The following ABL2 variants were observed in gnomAD, a reference collection of about 807,000 sequenced individuals.
ABL2 encodes the protein tyrosine-protein kinase ABL2.
In ABL2, 49 loss-of-function variants were observed where a neutral mutation model predicts 107.7. That is an observed-to-expected ratio of 0.45 (90% CI 0.36 to 0.58). The LOEUF (loss-of-function observed/expected upper bound fraction) is 0.58. Among genes scored for constraint, ABL2 ranks in the 20% least tolerant of loss-of-function variants. ABL2 has a pLI of 0.00. For synonymous variants in ABL2, 549 were observed against 548.6 expected, an observed-to-expected ratio of 1.00 and a Z score of -0.01; for missense variants, 1,245 against 1,457.0, an observed-to-expected ratio of 0.85 and a Z score of 2.37.
chr1:179,207,666 G>A (rs1662052695), intron 1 of ABL2, among the ~76,000 whole-genome samples: 1 of 152,152 alleles, frequency 6.6e-6, no homozygotes. Flanking sequence ...TTTTACTGGT[G>A]AGAAAAGGGA....
At chr1:179,199,731 CTTT>C (rs55794608) in intron 1 of ABL2, among the ~76,000 whole-genome samples, 19 of 136,180 alleles carry the variant, frequency 1.4e-4, no homozygotes, top group Non-Finnish European at 1.7e-4. Context: ...ACACTTTTTC[CTTT>C]TTTTTTTTTT....
intron 1 of ABL2, among the ~76,000 whole-genome samples, chr1:179,198,964 C>T (rs1198346657): frequency 6.6e-6 from 1 of 151,666 alleles, no homozygotes; most frequent in Non-Finnish European, 1.5e-5. Context: ...GCCTCAGCCC[C>T]CCTAGTAGCT....
chr1:179,166,737 G>A lies in ABL2; in HGVS notation c.158-33363C>T, dbSNP rs538671500. 1.8e-4 allele frequency among the ~76,000 whole-genome samples: 26 copies of A among 144,298 alleles called. No homozygotes were observed. The South Asian group carries it at 3.7e-3, about 20-fold the overall frequency. 94.7% of individuals were successfully genotyped at this position (144,298 alleles called of 152,430 possible). A position where few individuals can be genotyped will look rare whatever the true frequency, so the allele number is the denominator to read the frequency against. On this transcript the variant is annotated intron_variant, in intron 1 of 11. Transcript: ENST00000502732. ...GGTTGCAGGGAGCCGAGATCACATC[G>A]CTGCACTCCAGCCTTGGTGACAGAA...
chr1:179,156,924 A>G (rs956109098), intron 1 of ABL2, among the ~76,000 whole-genome samples: 1 of 126,354 alleles, frequency 7.9e-6, no homozygotes, highest in African/African-American at 2.7e-5. Flanking sequence ...TAAATAAATA[A>G]ATAAATAAAA....
At chr1:179,210,503 C>CAAAAAAAAAAA (rs113814284) in intron 1 of ABL2, among the ~76,000 whole-genome samples, 6 of 94,046 alleles carry the variant, frequency 6.4e-5, no homozygotes, top group Admixed American at 1.2e-4. Flanking sequence ...CTCTAACTCA[C>CAAAAAAAAAAA]AAAAAAAAAA....
chr1:179,184,498 A>G (rs1418199787), intron 1 of ABL2: 3 of 760,334 alleles, frequency 3.9e-6, no homozygotes, highest in Non-Finnish European at 6.5e-6. Flanking sequence ...AAGTTCATCA[A>G]AGATGACATT....
intron 7 of ABL2, 84 bp from the exon 8 acceptor site, chr1:179,117,600 T>C (rs181526443): frequency 5.0e-5 from 70 of 1,406,162 alleles, no homozygotes; most frequent in South Asian, 6.3e-5. Context: ...TTTTGTGTTA[T>C]AGGCAGAGTT....
At chr1:179,216,675 T>C (rs1348548222) in intron 1 of ABL2, among the ~76,000 whole-genome samples, 1 of 152,100 alleles carries the variant, frequency 6.6e-6, no homozygotes, top group African/African-American at 2.4e-5. Context: ...ATAAGTTGCA[T>C]ATTGCAATAA....
rs187023212 is a variant in ABL2 at position 179,212,559 on chromosome 1, C to T, written c.157+16682G>A. On this transcript the variant is annotated intron_variant, in intron 1 of 11. Transcript: ENST00000502732. ...ACCAGCCTGACCAACATGGAGAAAC[C>T]CTGTCTCTACTACAAATAACAAAAT... 1.8e-4 allele frequency among the ~76,000 whole-genome samples: 28 copies of T among 151,580 alleles called. No individual in the cohort carries two copies. In the East Asian group the frequency reaches 5.3e-3, roughly 28 times the overall value.
At chr1:179,112,837 C>T (rs1404344100) in intron 9 of ABL2, among the ~76,000 whole-genome samples, 3 of 152,080 alleles carry the variant, frequency 2.0e-5, no homozygotes, top group African/African-American at 7.2e-5. Context: ...TCACTGCAAC[C>T]TCTGCCTCCT....
chr1:179,157,641 G>A (rs944942444), intron 1 of ABL2, among the ~76,000 whole-genome samples: 6 of 152,008 alleles, frequency 3.9e-5, no homozygotes, highest in African/African-American at 1.4e-4. Context: ...CTAGTCCATT[G>A]ATCAGGTAGG....
Position 179,099,792 on chromosome 1 carries a change from G to A in ABL2, c.*7926C>T, listed in dbSNP as rs919837815. ...GTTTAAACTTATTTTTACTAAGCGA[G>A]CATAAAACTGGGGTTTGTCCAGTGA... On this transcript the variant is annotated 3_prime_UTR_variant, in exon 12 of 12. Transcript: ENST00000502732. The A allele has an allele frequency of 4.3e-5, 10 of 231,450 alleles. No homozygotes were observed. The highest frequency in any genetic ancestry group is 6.0e-5 in the Non-Finnish European group (7 of 117,006). 14.3% of individuals were successfully genotyped at this position (231,450 alleles called of 1,614,324 possible).
chr1:179,167,930 G>C (rs752168448), intron 1 of ABL2, among the ~76,000 whole-genome samples: 3 of 152,202 alleles, frequency 2.0e-5, no homozygotes, highest in Non-Finnish European at 4.4e-5. Flanking sequence ...AATGAGCCGA[G>C]ATCGTGCCAC....
chr1:179,107,603 C>T lies in ABL2; in HGVS notation c.*115G>A. 1 of 1,501,404 alleles carries T rather than the reference C, an allele frequency of 6.7e-7. No individual in the cohort carries two copies. 93.0% of individuals were successfully genotyped at this position (1,501,404 alleles called of 1,614,324 possible). A position where few individuals can be genotyped will look rare whatever the true frequency, so the allele number is the denominator to read the frequency against. On this transcript the variant is annotated 3_prime_UTR_variant, in exon 12 of 12. Transcript: ENST00000502732. The stretch of plus-strand genomic sequence containing the variant: ...GAACTCAGGGATCTGAGGTACTTCA[C>T]ATAAACACACTCAAGTATGAGTCTT...
rs1033851663 is a variant in ABL2, at chr1:179,108,786, G to A, written c.2481C>T (p.Asp827=). ...TTTTTGGAAGCATGTCATTGGCCCT[G>A]TCCACATTCTCTTCTGGCTGAGAAG... is the stretch of plus-strand genomic sequence containing the variant. ...STSSQPEENV[D]RANDMLPKKS... The change falls in exon 12 of 12, where the codon GAC becomes GAT. Residue 827 remains aspartate (D), a synonymous_variant. Coordinates refer to ENST00000502732, the MANE Select transcript of ABL2 (RefSeq NM_007314.4). 6.2e-7 allele frequency: 1 copy of A among 1,614,184 alleles called. No homozygotes were observed. Among genetic ancestry groups the A allele is most frequent in the East Asian group, 2.2e-5 (1 of 44,884 alleles).
intron 1 of ABL2, among the ~76,000 whole-genome samples, chr1:179,146,872 GAATAGGGGAA>G (rs1454958525): frequency 2.0e-5 from 3 of 152,018 alleles, no homozygotes; most frequent in Non-Finnish European, 2.9e-5. Context: ...CTAAAGCAAT[GAATAGGGGAA>G]AAGCTCTCCA....
At position 179,117,503 on chromosome 1, in the gene ABL2, G is replaced by A. The variant is rs1172567627; in HGVS notation, c.1237C>T (p.Arg413Cys). The change falls in exon 8 of 12, where the codon CGT becomes TGT. Residue 413 changes from arginine to cysteine, a missense_variant. Transcript: ENST00000502732. ...TGGTTTTCTCCCACTAGGCAGTTAC[G>A]AGCTGCAAGATCTCTGTGGGAAAGA... ...KNFIHRDLAA[R>C]NCLVGENHVV... is the part of the protein sequence containing the mutation. 1.2e-6 allele frequency: 2 copies of A among 1,614,030 alleles called. No individual in the cohort carries two copies. The highest frequency in any genetic ancestry group is 1.7e-6 in the Non-Finnish European group (2 of 1,180,026).
intron 1 of ABL2, among the ~76,000 whole-genome samples, chr1:179,211,231 A>C (rs1212627937): frequency 6.6e-6 from 1 of 152,196 alleles, no homozygotes; most frequent in South Asian, 2.1e-4. Flanking sequence ...TTAAAAGTGC[A>C]ATTAGGCTGG....
In ABL2 at chr1:179,166,394, T is replaced by TAAA. The variant is rs200116537; in HGVS notation, c.158-33023_158-33021dup. On this transcript the variant is annotated intron_variant, in intron 1 of 11. Transcript: ENST00000502732. ...ATATACAAAGAATTCAACTCAATACTAAAAAAAAAAAAAAAAAGAAAATCA... is the reference window on the plus strand; with the variant it reads ...ATATACAAAGAATTCAACTCAATACTAAAAAAAAAAAAAAAAAAAAGAAAATCA... 6.4e-5 allele frequency among the ~76,000 whole-genome samples: 7 copies of TAAA among 108,870 alleles called. No homozygotes were observed. The South Asian group carries it at 2.1e-3, about 33-fold the overall frequency. 71.4% of individuals were successfully genotyped at this position (108,870 alleles called of 152,430 possible).
Sources: gnomAD v4.1 joint callset for allele counts (sites outside exome capture counted in the v4.1 genomes callset) on GRCh38, gnomAD v4.1.1 for gene constraint, MANE v1.5 for transcripts, NCBI Gene and HGNC (gene_info 2026-07-23, HGNC 2026-07-21) for gene names.